Variants in LAMA2 observed in about 807,000 individuals in gnomAD.
The protein encoded by LAMA2 is laminin subunit alpha 2.
In LAMA2, 269 loss-of-function variants were observed where a neutral mutation model predicts 364.8. That is an observed-to-expected ratio of 0.74 (90% CI 0.67 to 0.82). The LOEUF (loss-of-function observed/expected upper bound fraction) is 0.82, where lower values mean the gene tolerates loss of function less well. LAMA2 is among the 40% of genes least tolerant of loss of function. The pLI is 0.00. For synonymous variants in LAMA2, 1,379 were observed against 1,370.6 expected (o/e 1.01, Z -0.14); for missense variants, 3,807 against 3,873.2 (o/e 0.98, Z 0.45).
chr6:129,464,260 C>T, intron 49 of LAMA2, 30 bp from the exon 50 acceptor site: 1 of 1,581,458 alleles, frequency 6.3e-7, no homozygotes, highest in Non-Finnish European at 8.7e-7. Context: ...TAGATATGAT[C>T]TGATTCATGT....
intron 56 of LAMA2, among the ~76,000 whole-genome samples, chr6:129,487,456 C>A (rs532702852): frequency 6.6e-6 from 1 of 152,064 alleles, no homozygotes; most frequent in Non-Finnish European, 1.5e-5. Context: ...GACCTCCAAG[C>A]CAGCAATCCA....
chr6:129,242,567 CTT>C (rs930906177), intron 12 of LAMA2, among the ~76,000 whole-genome samples: 1 of 151,960 alleles, frequency 6.6e-6, no homozygotes. Flanking sequence ...AAAACTATAA[CTT>C]ATGGTTTATT....
At chr6:129,512,546 G>C in intron 63 of LAMA2, 53 bp downstream of exon 63, 2 of 1,585,112 alleles carry the variant, frequency 1.3e-6, no homozygotes, top group Non-Finnish European at 1.7e-6. Flanking sequence ...TTGTTGATGT[G>C]TAGATATCAT....
At chr6:128,928,228 C>A (rs1779220850) in intron 1 of LAMA2, among the ~76,000 whole-genome samples, 1 of 152,162 alleles carries the variant, frequency 6.6e-6, no homozygotes, top group Admixed American at 6.5e-5. Flanking sequence ...GGCACAGATG[C>A]TATTGGTCCT....
chr6:129,075,416 C>T (rs1259522825), intron 3 of LAMA2, among the ~76,000 whole-genome samples: 2 of 152,044 alleles, frequency 1.3e-5, no homozygotes, highest in South Asian at 2.1e-4. Context: ...AATGAGAAAC[C>T]CGCAGTGGTA....
intron 22 of LAMA2, among the ~76,000 whole-genome samples, chr6:129,302,750 C>A (rs549623384): frequency 1.3e-5 from 2 of 152,166 alleles, no homozygotes; most frequent in South Asian, 4.1e-4. Flanking sequence ...TACTTTGACT[C>A]CTTTGTCAAA....
chr6:129,395,421 A>G (rs1332706634), intron 37 of LAMA2, among the ~76,000 whole-genome samples: 5 of 152,198 alleles, frequency 3.3e-5, no homozygotes, highest in Non-Finnish European at 7.3e-5. Context: ...GTCAGTGATG[A>G]GCCCCCTTAG....
chr6:129,433,301 G>T (rs1322512127), intron 41 of LAMA2, among the ~76,000 whole-genome samples: 1 of 152,052 alleles, frequency 6.6e-6, no homozygotes, highest in Non-Finnish European at 1.5e-5. Context: ...AAATCAATTT[G>T]CTGGAGACCT....
intron 1 of LAMA2, among the ~76,000 whole-genome samples, chr6:129,043,994 A>G (rs1787285572): frequency 6.6e-6 from 1 of 152,076 alleles, no homozygotes; most frequent in African/African-American, 2.4e-5. Context: ...ACCTCTCTTT[A>G]CACCTGCTGT....
intron 1 of LAMA2, among the ~76,000 whole-genome samples, chr6:128,975,099 G>A (rs1782445288): frequency 6.6e-6 from 1 of 152,114 alleles, no homozygotes; most frequent in African/African-American, 2.4e-5. Flanking sequence ...TGATCCGCCT[G>A]CCTCTGCCTC....
At chr6:129,502,971 T>C in intron 59 of LAMA2, 120 bp from the exon 60 acceptor site, 1 of 1,016,426 alleles carries the variant, frequency 9.8e-7, no homozygotes, top group Non-Finnish European at 1.5e-6. Context: ...GATAAAGTCC[T>C]CATCTCTGAG....
intron 4 of LAMA2, among the ~76,000 whole-genome samples, chr6:129,129,855 C>A (rs1305425653): frequency 1.4e-5 from 2 of 140,438 alleles, no homozygotes; most frequent in African/African-American, 5.3e-5. Context: ...ACCCGGGAGG[C>A]GGAGCTTGCA....
At chr6:129,489,517 C>T (rs1298030497) in intron 56 of LAMA2, among the ~76,000 whole-genome samples, 3 of 152,150 alleles carry the variant, frequency 2.0e-5, no homozygotes, top group Admixed American at 2.0e-4. Context: ...ACATCAAACC[C>T]TAAGAGCCTG....
rs137882765 is a variant in LAMA2, at chr6:129,415,230, T to C, written c.5865+11271T>C. ...TTTACATTTTATCTATAACCATAAT[T>C]GTGCCATGGCAGAATACAGAAGTCC... On this transcript the variant is annotated intron_variant, in intron 40 of 64. Coordinates refer to ENST00000421865, the MANE Select transcript of LAMA2 (RefSeq NM_000426.4). 2.8e-3 allele frequency among the ~76,000 whole-genome samples: 428 copies of C among 152,284 alleles called. 2 individuals are homozygous for C. The highest frequency in any genetic ancestry group is 8.5e-3 in the African/African-American group (353 of 41,552).
At chr6:129,358,699 T>C (rs1777294125) in intron 32 of LAMA2, among the ~76,000 whole-genome samples, 1 of 152,058 alleles carries the variant, frequency 6.6e-6, no homozygotes, top group Admixed American at 6.6e-5. Context: ...TGTAAAATGC[T>C]ACATACATGT....
chr6:129,442,967 C>T, intron 43 of LAMA2, 96 bp from the exon 44 acceptor site: 1 of 868,448 alleles, frequency 1.2e-6, no homozygotes, highest in Non-Finnish European at 1.8e-6. Flanking sequence ...ATGAAAAATA[C>T]CATTTTTAGT....
chr6:129,287,981 C>T lies in LAMA2; in HGVS notation c.2672C>T (p.Pro891Leu). The T allele has an allele frequency of 6.2e-7, 1 of 1,614,118 alleles. No individual in the cohort carries two copies. The highest frequency in any genetic ancestry group is 8.5e-7 in the Non-Finnish European group (1 of 1,179,960). Reference protein sequence around the residue: ...SLSGSCLICKPGTTGRYCELC... With the variant: ...SLSGSCLICKLGTTGRYCELC... ...TCTGGCTCCTGTCTGATATGTAAAC[C>T]AGGTACAACAGGCCGGTACTGTGAG... Residue 891 changes from proline (P) to leucine (L), a missense_variant, in exon 19 of 65, where the codon CCA (proline) becomes CTA (leucine). By Grantham distance (98) the Pro-to-Leu change is moderately conservative. Coordinates refer to ENST00000421865, the MANE Select transcript of LAMA2 (RefSeq NM_000426.4).
intron 34 of LAMA2, among the ~76,000 whole-genome samples, chr6:129,375,114 T>A (rs938128474): frequency 5.3e-5 from 8 of 152,102 alleles, no homozygotes; most frequent in Non-Finnish European, 7.4e-5. Context: ...ACCCAAGAAC[T>A]CATATTTAAA....
At chr6:129,223,529 A>C (rs1322763188) in intron 12 of LAMA2, among the ~76,000 whole-genome samples, 2 of 152,200 alleles carry the variant, frequency 1.3e-5, no homozygotes, top group Non-Finnish European at 2.9e-5. Flanking sequence ...ATAAGGTGTA[A>C]GGAAGGGATC....
Sources: allele counts gnomAD v4.1 joint callset (sites outside exome capture counted in the v4.1 genomes callset), GRCh38; gene constraint gnomAD v4.1.1; transcripts MANE v1.5; gene names NCBI Gene and HGNC (gene_info 2026-07-23, HGNC 2026-07-21).